Variants in JAK2 observed in about 807,000 individuals in gnomAD.
JAK2 encodes the protein Janus kinase 2.
Under a neutral mutation model 139.3 loss-of-function variants are expected in JAK2, and 86 were observed. The observed-to-expected ratio is 0.62, with a 90% CI of 0.52 to 0.74. The LOEUF is 0.74. JAK2 is among the 30% of genes least tolerant of loss of function. The pLI is 0.00. For missense variants in JAK2, 1,421 were observed against 1,360.3 expected (o/e 1.04, Z -0.70); for synonymous variants, 490 against 437.7 (o/e 1.12, Z -1.49).
At chr9:5,110,770 G>A in intron 22 of JAK2, 1 of 390,652 alleles carries the variant, frequency 2.6e-6, no homozygotes. Context: ...TGGCCATGCA[G>A]GAGTGGTAAG....
Position 5,054,472 on chromosome 9 carries a change from GA to G in JAK2, c.615-86del. The G allele has an allele frequency of 5.4e-6, 6 of 1,108,784 alleles. No individual in the cohort carries two copies. Among genetic ancestry groups the G allele is most frequent in the Non-Finnish European group, 7.8e-6 (6 of 768,638 alleles). 68.7% of individuals were successfully genotyped at this position (1,108,784 alleles called of 1,614,324 possible). ...GTGTTGTAAGGCCTACTTAATCATG[GA>G]AAAAGGTGGTAACTTCTTTTTCAAT... On this transcript the variant is annotated intron_variant, in intron 6 of 24. Transcript: ENST00000381652. The surrounding 1 kb of genome is among the most constrained non-coding windows in gnomAD (Gnocchi z 4.9).
chr9:5,060,594 C>A (rs1297160389), intron 8 of JAK2, among the ~76,000 whole-genome samples: 1 of 152,224 alleles, frequency 6.6e-6, no homozygotes, highest in Non-Finnish European at 1.5e-5. Context: ...AATTCAGTCA[C>A]ATCTTCAGCT....
chr9:5,107,071 G>A (rs72701631), intron 22 of JAK2, among the ~76,000 whole-genome samples: 1 of 152,062 alleles, frequency 6.6e-6, no homozygotes, highest in Non-Finnish European at 1.5e-5. Flanking sequence ...CCAGCACTTT[G>A]GCTTTGAAGC....
At chr9:4,988,332 A>C (rs1563907651) in intron 2 of JAK2, among the ~76,000 whole-genome samples, 1 of 152,198 alleles carries the variant, frequency 6.6e-6, no homozygotes, top group Non-Finnish European at 1.5e-5. Flanking sequence ...GTATTTTCAG[A>C]GGTTGCTCCG....
At chr9:5,102,323 A>C (rs1009881011) in intron 22 of JAK2, among the ~76,000 whole-genome samples, 1 of 152,178 alleles carries the variant, frequency 6.6e-6, no homozygotes, top group Non-Finnish European at 1.5e-5. Flanking sequence ...AAATAAAGCG[A>C]GAGGAGAAGT....
At chr9:5,018,596 C>T (rs967513710) in intron 2 of JAK2, among the ~76,000 whole-genome samples, 1 of 152,200 alleles carries the variant, frequency 6.6e-6, no homozygotes, top group Non-Finnish European at 1.5e-5. Context: ...GCCTCAGCCA[C>T]CCAAAGTGCT....
intron 22 of JAK2, among the ~76,000 whole-genome samples, chr9:5,104,983 C>A (rs1408193323): frequency 6.6e-6 from 1 of 152,186 alleles, no homozygotes; most frequent in African/African-American, 2.4e-5. Context: ...GAAGCATTCC[C>A]TTTGAAAACT....
intron 11 of JAK2, among the ~76,000 whole-genome samples, 162 bp from the exon 12 acceptor site, chr9:5,069,763 C>T (rs1362819505): frequency 6.6e-6 from 1 of 151,966 alleles, no homozygotes; most frequent in Non-Finnish European, 1.5e-5. Flanking sequence ...TATCAAAGTT[C>T]AATGAGTTGA....
intron 22 of JAK2, chr9:5,107,827 A>G (rs974568146): frequency 6.6e-6 from 1 of 152,254 alleles, no homozygotes; most frequent in Admixed American, 6.5e-5. Flanking sequence ...TTATCCTCCT[A>G]GTATTTGCTG....
chr9:5,072,341 A>G (rs1456019720), intron 12 of JAK2, 151 bp from the exon 13 acceptor site: 4 of 496,324 alleles, frequency 8.1e-6, no homozygotes, highest in Non-Finnish European at 1.1e-5. Flanking sequence ...GAATAAAAGC[A>G]TTAATTTGGA....
chr9:5,007,188 A>G (rs891936740), intron 2 of JAK2, among the ~76,000 whole-genome samples: 1 of 152,080 alleles, frequency 6.6e-6, no homozygotes, highest in Non-Finnish European at 1.5e-5. Flanking sequence ...CTTGAAATGA[A>G]AATTTATTTA....
At chr9:5,069,293 A>G (rs1384861487) in intron 11 of JAK2, 85 bp downstream of exon 11, 1 of 834,070 alleles carries the variant, frequency 1.2e-6, no homozygotes, top group African/African-American at 1.7e-5. Flanking sequence ...TTGATTTCAA[A>G]GGATATATGA....
At position 5,127,557 on chromosome 9, in the gene JAK2, T is replaced by C. The variant is rs2130869044; in HGVS notation, c.*766T>C. 4.3e-6 allele frequency: 1 copy of C among 231,460 alleles called. No individual in the cohort carries two copies. The highest frequency in any genetic ancestry group is 8.6e-6 in the Non-Finnish European group (1 of 116,506). 14.3% of individuals were successfully genotyped at this position (231,460 alleles called of 1,614,324 possible). A position where few individuals can be genotyped will look rare whatever the true frequency, so the allele number is the denominator to read the frequency against. ...CCCTTGTATCTATTTGTGGTGAATG[T>C]GTTTTTTAAATGGAACTATCTCCAA... On this transcript the variant is annotated 3_prime_UTR_variant, in exon 25 of 25. Coordinates refer to ENST00000381652, the MANE Select transcript of JAK2 (RefSeq NM_004972.4).
chr9:5,056,674 G>C (rs778939132), intron 8 of JAK2, among the ~76,000 whole-genome samples: 1 of 152,080 alleles, frequency 6.6e-6, no homozygotes, highest in Non-Finnish European at 1.5e-5. Context: ...GCCTAGTTTA[G>C]AAAAAGCTTG....
chr9:5,021,673 C>CTGGAGTGCGG (rs1485173691), intron 2 of JAK2, among the ~76,000 whole-genome samples: 2 of 152,152 alleles, frequency 1.3e-5, no homozygotes, highest in African/African-American at 2.4e-5. Context: ...GTCACCCAGA[C>CTGGAGTGCGG]TGGAGTGCGG....
intron 9 of JAK2, 146 bp downstream of exon 9, chr9:5,065,186 CATA>C (rs1818482421): frequency 2.2e-6 from 1 of 455,516 alleles, no homozygotes; most frequent in Non-Finnish European, 3.8e-6. Flanking sequence ...AATCAGATTA[CATA>C]ATAATTAGAA....
chr9:5,104,273 A>C (rs1821773808), intron 22 of JAK2, among the ~76,000 whole-genome samples: 1 of 152,222 alleles, frequency 6.6e-6, no homozygotes, highest in African/African-American at 2.4e-5. Flanking sequence ...CCATCAGAGA[A>C]TACTATTAAC....
chr9:5,104,478 G>C (rs776682073), intron 22 of JAK2, among the ~76,000 whole-genome samples: 14 of 152,130 alleles, frequency 9.2e-5, no homozygotes, highest in African/African-American at 2.2e-4. Context: ...TTCTCCTAGA[G>C]GTACAAAGAG....
At chr9:5,058,689 G>A (rs1313637339) in intron 8 of JAK2, among the ~76,000 whole-genome samples, 1 of 152,114 alleles carries the variant, frequency 6.6e-6, no homozygotes, top group East Asian at 1.9e-4. Flanking sequence ...TTCTCCACAT[G>A]CTCATCAAAA....
Sources: gnomAD v4.1 joint callset for allele counts (sites outside exome capture counted in the v4.1 genomes callset) on GRCh38, gnomAD v4.1.1 for gene constraint, Gnocchi (gnomAD v3.1) non-coding constraint, MANE v1.5 for transcripts, NCBI Gene and HGNC (gene_info 2026-07-23, HGNC 2026-07-21) for gene names.